Variants in ODAD4 observed in about 807,000 individuals in gnomAD.
The protein encoded by ODAD4 is outer dynein arm docking complex subunit 4.
Under a neutral mutation model 51.8 loss-of-function variants are expected in ODAD4, and 49 were observed. The observed-to-expected ratio is 0.95, with a 90% confidence interval of 0.75 to 1.20. ODAD4 has a LOEUF of 1.20. Among genes scored for constraint, ODAD4 ranks in the 50% most tolerant of loss-of-function variants. The probability of loss-of-function intolerance (pLI) is 0.00; values close to 1 mark genes in which losing one functional copy is unlikely to be tolerated. For synonymous variants in ODAD4, 235 were observed against 221.3 expected, an observed-to-expected ratio of 1.06 and a Z score of -0.55; for missense variants, 590 against 586.5, an observed-to-expected ratio of 1.01 and a Z score of -0.06.
At chr17:41,950,998 C>T (rs1454985971) in intron 9 of ODAD4, among the ~76,000 whole-genome samples, 3 of 152,026 alleles carry the variant, frequency 2.0e-5, no homozygotes, top group African/African-American at 7.2e-5. Flanking sequence ...GCATAAGCCA[C>T]TGCACCCGGC....
intron 9 of ODAD4, among the ~76,000 whole-genome samples, chr17:41,951,051 G>A (rs1212858945): frequency 1.3e-5 from 2 of 150,468 alleles, no homozygotes; most frequent in Non-Finnish European, 3.0e-5. Flanking sequence ...TTCTAAAATG[G>A]GATTGTGGTG....
At chr17:41,941,697 C>T (rs2050508494) in intron 7 of ODAD4, among the ~76,000 whole-genome samples, 1 of 148,812 alleles carries the variant, frequency 6.7e-6, no homozygotes, top group African/African-American at 2.5e-5. Flanking sequence ...AGGAGAATGG[C>T]GTGAACCCAG....
At chr17:41,957,853 A>G (rs1424482046) in intron 10 of ODAD4, among the ~76,000 whole-genome samples, 1 of 152,060 alleles carries the variant, frequency 6.6e-6, no homozygotes, top group Non-Finnish European at 1.5e-5. Flanking sequence ...TGGTGTGACT[A>G]CAGCTCACTG....
chr17:41,958,660 CAAA>C (rs544794329), intron 10 of ODAD4, among the ~76,000 whole-genome samples: 5 of 58,080 alleles, frequency 8.6e-5, no homozygotes, highest in Non-Finnish European at 1.0e-4. Context: ...AACTCCATCT[CAAA>C]AAAAAAAAAA....
At chr17:41,952,365 CAAA>C (rs140105127) in intron 9 of ODAD4, among the ~76,000 whole-genome samples, 1 of 87,232 alleles carries the variant, frequency 1.1e-5, no homozygotes, top group African/African-American at 4.8e-5. Flanking sequence ...GACTCTGTAT[CAAA>C]AAAAAAAAAA....
chr17:41,949,027 G>A (rs2050622255), intron 8 of ODAD4, 126 bp from the exon 9 acceptor site: 1 of 396,876 alleles, frequency 2.5e-6, no homozygotes, highest in Non-Finnish European at 4.4e-6. Flanking sequence ...CTCCACCCTT[G>A]TATCCAAAAG....
intron 1 of ODAD4, among the ~76,000 whole-genome samples, chr17:41,932,897 A>G (rs969229480): frequency 2.4e-4 from 37 of 151,924 alleles, no homozygotes; most frequent in Admixed American, 2.4e-3. Flanking sequence ...TTTTGCTCCA[A>G]ATTGCCCACT....
Position 41,965,546 on chromosome 17 carries a change from A to T in ODAD4, c.*63A>T. 1 of 693,836 alleles carries T rather than the reference A, an allele frequency of 1.4e-6. No homozygotes were observed. The highest frequency in any genetic ancestry group is 1.7e-5 in the South Asian group (1 of 59,460). 43.0% of individuals were successfully genotyped at this position (693,836 alleles called of 1,614,324 possible). A position where few individuals can be genotyped will look rare whatever the true frequency, so the allele number is the denominator to read the frequency against. ...CAGAGGGATCATGGGATTTTATTAA[A>T]CTGGATTTTCAAGCGATTTGTCTGT... is the stretch of plus-strand genomic sequence containing the variant. On this transcript the variant is annotated 3_prime_UTR_variant, in exon 12 of 12. Transcript: ENST00000377540.
At chr17:41,959,193 T>G (rs1555641394) in intron 10 of ODAD4, among the ~76,000 whole-genome samples, 1 of 151,934 alleles carries the variant, frequency 6.6e-6, no homozygotes, top group Non-Finnish European at 1.5e-5. Flanking sequence ...TCCCAGTGCA[T>G]CCAGGTGGAC....
At chr17:41,962,257 C>A (rs1288047489) in intron 11 of ODAD4, among the ~76,000 whole-genome samples, 2 of 152,206 alleles carry the variant, frequency 1.3e-5, no homozygotes, top group Admixed American at 6.5e-5. Flanking sequence ...ACTCTCCCCA[C>A]CTGCGGCGCT....
rs1364791187 is a variant in ODAD4 at position 41,961,404 on chromosome 17, G to T, written c.1466G>T (p.Gly489Val). Residue 489 changes from glycine to valine, a missense_variant, in exon 11 of 12, where the codon GGT (glycine) becomes GTT (valine). Around this residue, in one of 3 missense-constraint regions of ODAD4, gnomAD observed 226 missense variants for 162.7 expected, o/e 1.39. Transcript: ENST00000377540. ...IISALDDANK[G>V]IIRELRKTNY... ...CAGGCCTTGGACGATGCCAACAAGG[G>T]TATCATCAGAGAACTGAGGAAAACC... is the stretch of plus-strand genomic sequence containing the variant. 2 of 747,032 alleles carry T rather than the reference G, an allele frequency of 2.7e-6. No homozygotes were observed. The highest frequency in any genetic ancestry group is 2.5e-5 in the East Asian group (1 of 39,552). The allele number at this position is 747,032 out of a possible 1,614,324, so 46.3% of individuals were successfully genotyped here. A position where few individuals can be genotyped will look rare whatever the true frequency, so the allele number is the denominator to read the frequency against.
intron 10 of ODAD4, among the ~76,000 whole-genome samples, chr17:41,955,527 C>T (rs996296351): frequency 6.6e-6 from 1 of 152,028 alleles, no homozygotes; most frequent in Non-Finnish European, 1.5e-5. Context: ...TCCGGGTTCA[C>T]ACCATTCTCC....
At chr17:41,947,857 C>T (rs1339565961) in intron 8 of ODAD4, among the ~76,000 whole-genome samples, 1 of 151,944 alleles carries the variant, frequency 6.6e-6, no homozygotes, top group Non-Finnish European at 1.5e-5. Flanking sequence ...CGGTGGCTCA[C>T]GCCTGTAATC....
intron 11 of ODAD4, among the ~76,000 whole-genome samples, chr17:41,961,870 G>C (rs1387378316): frequency 1.3e-5 from 2 of 152,198 alleles, no homozygotes; most frequent in African/African-American, 2.4e-5. Context: ...CTACACCGAG[G>C]TGGAGGTGTG....
rs189239015 is a variant in ODAD4 at position 41,945,223 on chromosome 17, G to C, written c.1145+1G>C. The C allele has an allele frequency of 3.1e-6, 5 of 1,610,738 alleles. No individual in the cohort carries two copies. The Admixed American group carries it at 5.0e-5, about 16-fold the overall frequency. On this transcript the variant is annotated splice_donor_variant, in intron 8 of 11. Transcript: ENST00000377540. LOFTEE classifies it high-confidence loss of function. ...GGAAATTCCAGCAAGCCATTGACAC[G>C]TGAGTGACCAAGAATTGCCTCTTCC...
chr17:41,938,502 C>A, intron 5 of ODAD4, 55 bp from the exon 6 acceptor site: 1 of 1,479,312 alleles, frequency 6.8e-7, no homozygotes, highest in Non-Finnish European at 9.3e-7. Context: ...AAACAGGAGG[C>A]AAATCCCTTA....
chr17:41,937,434 G>A (rs1555638008), intron 5 of ODAD4, among the ~76,000 whole-genome samples: 2 of 152,166 alleles, frequency 1.3e-5, no homozygotes, highest in Non-Finnish European at 2.9e-5. Flanking sequence ...AGTTCATGGT[G>A]GAGTCAACAT....
chr17:41,935,256 G>C lies in ODAD4; in HGVS notation c.154G>C (p.Ala52Pro), dbSNP rs782648268. 1.2e-6 allele frequency: 2 copies of C among 1,613,876 alleles called. No individual in the cohort carries two copies. The highest frequency in any genetic ancestry group is 1.1e-5 in the South Asian group (1 of 91,078). ...LQDGDKNCLVARSKCFLKMGD... is the reference protein window; with the variant it reads ...LQDGDKNCLVPRSKCFLKMGD... Reference sequence around the variant, plus strand: ...GGATGGAGACAAGAACTGCCTGGTTGCTCGCTCAAAGTGCTTCCTGAAGAT... The same window carrying C: ...GGATGGAGACAAGAACTGCCTGGTTCCTCGCTCAAAGTGCTTCCTGAAGAT... The change falls in exon 2 of 12, where the codon GCT becomes CCT. Residue 52 changes from alanine (A) to proline (P), a missense_variant. Ala to Pro is a conservative substitution (Grantham distance 27). This residue lies in a region of ODAD4 where 360 missense variants were observed against 407.5 expected (regional missense o/e 0.88). Transcript: ENST00000377540.
At chr17:41,964,114 A>C (rs1165450242) in intron 11 of ODAD4, among the ~76,000 whole-genome samples, 1 of 148,166 alleles carries the variant, frequency 6.7e-6, no homozygotes, top group Non-Finnish European at 1.5e-5. Flanking sequence ...AGGCTGGAGT[A>C]CAATGGCACA....
Sources: allele counts gnomAD v4.1 joint callset (sites outside exome capture counted in the v4.1 genomes callset), GRCh38; gene constraint gnomAD v4.1.1; regional missense constraint gnomAD v4.1.1; transcripts MANE v1.5; gene names NCBI Gene and HGNC (gene_info 2026-07-23, HGNC 2026-07-21).